Variants in CLYBL observed in about 807,000 individuals in gnomAD.
CLYBL encodes the protein citramalyl-CoA lyase.
CLYBL carries 31 observed loss-of-function variants against 38.9 expected under a neutral mutation model. The ratio of observed to expected loss-of-function variants is 0.80; its 90% CI spans 0.60 to 1.08. The LOEUF (loss-of-function observed/expected upper bound fraction) is 1.08, where lower values mean the gene tolerates loss of function less well. CLYBL is among the 50% of genes least tolerant of loss of function. The pLI is 0.00. For synonymous variants in CLYBL, 171 were observed against 158.6 expected (o/e 1.08, Z -0.59); for missense variants, 434 against 411.6 (o/e 1.05, Z -0.47).
At chr13:99,899,046 G>A (rs150362295), downstream of CLYBL, among the ~76,000 whole-genome samples, 26 of 152,280 alleles carry the variant, frequency 1.7e-4, no homozygotes, top group East Asian at 5.8e-4. Context: ...GTTAGGTTAC[G>A]TGCAGACAGA....
rs1355542345 is a variant in CLYBL, at chr13:99,849,180, G to C, written c.250-9681G>C. On this transcript the variant is annotated intron_variant, in intron 2 of 8. Transcript: ENST00000339105. This position sits in a 1 kb window ranked among gnomAD's most constrained non-coding sequence, Gnocchi z 4.9. ...AAAAAAAACACTATTGAGAAAGACA[G>C]TGTAAGCTTGTGGTACGTAAATACT... 2.6e-5 allele frequency among the ~76,000 whole-genome samples: 4 copies of C among 151,628 alleles called. No homozygotes were observed. The highest frequency in any genetic ancestry group is 9.7e-5 in the African/African-American group (4 of 41,226).
intron 1 of CLYBL, among the ~76,000 whole-genome samples, chr13:99,753,768 T>A (rs2048999678): frequency 6.6e-6 from 1 of 152,170 alleles, no homozygotes; most frequent in Non-Finnish European, 1.5e-5. Context: ...TAGTCAAGTC[T>A]GGACTGCTAC....
intron 1 of CLYBL, among the ~76,000 whole-genome samples, chr13:99,741,163 A>G (rs1317217026): frequency 6.6e-6 from 1 of 152,218 alleles, no homozygotes; most frequent in Non-Finnish European, 1.5e-5. Context: ...ACAGATAGGA[A>G]TCTTAAAGCT....
intron 2 of CLYBL, among the ~76,000 whole-genome samples, chr13:99,824,949 C>T (rs953659896): frequency 8.5e-5 from 13 of 152,136 alleles, no homozygotes; most frequent in Non-Finnish European, 1.6e-4. Context: ...ACCCCCTGCC[C>T]CCCACTCTTC....
At chr13:99,691,789 G>C (rs1323032058) in intron 1 of CLYBL, among the ~76,000 whole-genome samples, 1 of 152,106 alleles carries the variant, frequency 6.6e-6, no homozygotes, top group Non-Finnish European at 1.5e-5. Flanking sequence ...CTGGTTCTAG[G>C]GATACAGAGA....
chr13:99,729,018 G>T (rs746027340), intron 1 of CLYBL, among the ~76,000 whole-genome samples: 15 of 152,234 alleles, frequency 9.9e-5, no homozygotes, highest in Non-Finnish European at 1.6e-4. Flanking sequence ...TAGAAGTTCT[G>T]CAGGGCCTTG....
intron 1 of CLYBL, among the ~76,000 whole-genome samples, chr13:99,670,000 C>G (rs535404075): frequency 1.3e-5 from 2 of 151,134 alleles, no homozygotes; most frequent in African/African-American, 2.4e-5. Flanking sequence ...CGAGACCAGC[C>G]TGGCCAACAT....
rs559574909 is a variant in CLYBL at position 99,688,446 on chromosome 13, C to T, written c.62+81689C>T. Among the ~76,000 whole-genome samples, 32 of 152,258 alleles carry T rather than the reference C, an allele frequency of 2.1e-4. No individual in the cohort carries two copies. The South Asian group carries it at 3.5e-3, about 17-fold the overall frequency. ...TTGTAAGATTGCCTTAAATGTATTGCCTTCTTGGCAGCATAATGCCAGATT... is the reference window on the plus strand; with the variant it reads ...TTGTAAGATTGCCTTAAATGTATTGTCTTCTTGGCAGCATAATGCCAGATT... On this transcript the variant is annotated intron_variant, in intron 1 of 8. Transcript: ENST00000339105.
At chr13:99,758,792 A>G (rs985997038) in intron 1 of CLYBL, among the ~76,000 whole-genome samples, 45 of 152,116 alleles carry the variant, frequency 3.0e-4, no homozygotes, top group African/African-American at 1.0e-3. Context: ...GTTGCCTTTG[A>G]TCTTTTCCCC....
intron 2 of CLYBL, among the ~76,000 whole-genome samples, chr13:99,821,787 G>A (rs1216532467): frequency 6.6e-6 from 1 of 152,236 alleles, no homozygotes; most frequent in Non-Finnish European, 1.5e-5. Flanking sequence ...CTAGAGAGCT[G>A]TCCAGTCCCC....
chr13:99,851,971 T>G (rs1216975812), intron 2 of CLYBL, among the ~76,000 whole-genome samples: 1 of 152,150 alleles, frequency 6.6e-6, no homozygotes, highest in East Asian at 1.9e-4. Flanking sequence ...ATGGACAAAA[T>G]GTGACCTATC....
At chr13:99,882,647 G>C (rs1392383575) in intron 7 of CLYBL, among the ~76,000 whole-genome samples, 1 of 151,858 alleles carries the variant, frequency 6.6e-6, no homozygotes, top group African/African-American at 2.4e-5. Context: ...CTGGGAGACG[G>C]GAGTGAGACC....
At chr13:99,637,175 A>C (rs1052401447) in intron 1 of CLYBL, among the ~76,000 whole-genome samples, 3 of 152,108 alleles carry the variant, frequency 2.0e-5, no homozygotes, top group Non-Finnish European at 2.9e-5. Flanking sequence ...TGTCCAACCT[A>C]ATTTAAACTT....
chr13:99,643,617 G>A (rs2047128278), intron 1 of CLYBL, among the ~76,000 whole-genome samples: 1 of 152,198 alleles, frequency 6.6e-6, no homozygotes, highest in African/African-American at 2.4e-5. Context: ...GTGCGCCTCG[G>A]TTCAGATTGT....
chr13:99,789,965 C>G (rs903588021), intron 2 of CLYBL, among the ~76,000 whole-genome samples: 2 of 152,060 alleles, frequency 1.3e-5, no homozygotes, highest in African/African-American at 4.8e-5. Flanking sequence ...CCTTCTTTGT[C>G]TCTTTTGATC....
At chr13:99,776,991 T>G (rs1312996887) in intron 2 of CLYBL, among the ~76,000 whole-genome samples, 1 of 152,080 alleles carries the variant, frequency 6.6e-6, no homozygotes, top group Non-Finnish European at 1.5e-5. Context: ...GTGATTCTGC[T>G]GCCTCAGCCT....
chr13:99,860,498 A>C (rs1594228551), intron 3 of CLYBL, among the ~76,000 whole-genome samples: 1 of 152,304 alleles, frequency 6.6e-6, no homozygotes, highest in East Asian at 1.9e-4. Context: ...AGAGTATGTT[A>C]ATATCCTGGA....
At chr13:99,840,763 A>AG (rs2051053891) in intron 2 of CLYBL, among the ~76,000 whole-genome samples, 1 of 147,442 alleles carries the variant, frequency 6.8e-6, no homozygotes, top group Admixed American at 6.8e-5. Flanking sequence ...AAAAAAAAAA[A>AG]AAAAAAAAAA....
chr13:99,677,474 GTGTGTC>G (rs986160688), intron 1 of CLYBL, among the ~76,000 whole-genome samples: 2 of 152,264 alleles, frequency 1.3e-5, no homozygotes, highest in South Asian at 2.1e-4. Context: ...ATGAGTGCAC[GTGTGTC>G]TGTGTCTGTG....
Sources: allele counts gnomAD v4.1 joint callset (sites outside exome capture counted in the v4.1 genomes callset), GRCh38; gene constraint gnomAD v4.1.1; non-coding constraint Gnocchi (gnomAD v3.1); transcripts MANE v1.5; gene names NCBI Gene and HGNC (gene_info 2026-07-23, HGNC 2026-07-21).